Variants in UBR2 observed in about 807,000 individuals in gnomAD.
UBR2 encodes the protein ubiquitin protein ligase E3 component n-recognin 2.
In UBR2, 92 loss-of-function variants were observed where a neutral mutation model predicts 247.9. The observed-to-expected ratio is 0.37, with a 90% CI of 0.31 to 0.44. The LOEUF (loss-of-function observed/expected upper bound fraction) is 0.44, where lower values mean the gene tolerates loss of function less well. Among genes scored for constraint, UBR2 ranks in the 20% least tolerant of loss-of-function variants. The probability of loss-of-function intolerance (pLI) is 1.00; values close to 1 mark genes in which losing one functional copy is unlikely to be tolerated. For synonymous variants in UBR2, 672 were observed against 693.5 expected, an observed-to-expected ratio of 0.97 and a Z score of 0.49; for missense variants, 1,613 against 2,112.6, an observed-to-expected ratio of 0.76 and a Z score of 4.64.
At chr6:42,670,308 T>C (rs1798355672) in intron 35 of UBR2, 68 bp downstream of exon 35, 10 of 1,554,360 alleles carry the variant, frequency 6.4e-6, no homozygotes, top group Non-Finnish European at 8.7e-6. Flanking sequence ...GCATAGAATC[T>C]TGTTTTTAAA....
chr6:42,685,402 TAGG>T (rs35766065), intron 44 of UBR2, among the ~76,000 whole-genome samples: 40,844 of 151,622 alleles, frequency 0.27, 5,515 homozygotes, highest in Non-Finnish European at 0.29. Context: ...GGAATGGGAG[TAGG>T]AGAAGCAAAT....
intron 10 of UBR2, among the ~76,000 whole-genome samples, chr6:42,617,064 CCA>C (rs1794603762): frequency 6.6e-6 from 1 of 152,152 alleles, no homozygotes; most frequent in African/African-American, 2.4e-5. Flanking sequence ...ATACAGGATT[CCA>C]CAGTTTCCAT....
At chr6:42,592,436 A>T (rs574884588) in intron 3 of UBR2, among the ~76,000 whole-genome samples, 1 of 152,294 alleles carries the variant, frequency 6.6e-6, no homozygotes, top group African/African-American at 2.4e-5. Context: ...TTTAAAAAAG[A>T]TAATAGAGAT....
intron 22 of UBR2, 110 bp downstream of exon 22, chr6:42,648,280 A>G: frequency 2.4e-6 from 2 of 849,096 alleles, no homozygotes; most frequent in Non-Finnish European, 3.9e-6. Flanking sequence ...GCTTTCAGAG[A>G]TTGACAGACA....
chr6:42,614,439 C>CTTACATACATACGTATATATGTATGTAT (rs1262657277), intron 8 of UBR2, among the ~76,000 whole-genome samples: 1 of 91,996 alleles, frequency 1.1e-5, no homozygotes, highest in African/African-American at 4.3e-5. Flanking sequence ...TATGTATGTA[C>CTTACATACATACGTATATATGTATGTAT]GTACATATAT....
chr6:42,658,104 C>T lies in UBR2; in HGVS notation c.2953C>T (p.His985Tyr). The change falls in exon 27 of 47, where the codon CAC becomes TAC. Residue 985 changes from histidine to tyrosine, a missense_variant. By Grantham distance (83) the His-to-Tyr change is moderately conservative. Around this residue, in one of 3 missense-constraint regions of UBR2, gnomAD observed 1,524 missense variants for 1,967.3 expected, o/e 0.77. Coordinates refer to ENST00000372901, the MANE Select transcript of UBR2 (RefSeq NM_001363705.2). ...TLQNAPYLEVHKDMIRWILKT... is the reference protein window; with the variant it reads ...TLQNAPYLEVYKDMIRWILKT... ...ACAAAATGCTCCCTACCTAGAAGTC[C>T]ACAAAGACATGATTCGGTGGATATT... The T allele has an allele frequency of 1.2e-6, 2 of 1,614,020 alleles. No homozygotes were observed. Among genetic ancestry groups the T allele is most frequent in the Non-Finnish European group, 1.7e-6 (2 of 1,179,966 alleles).
intron 7 of UBR2, among the ~76,000 whole-genome samples, chr6:42,607,806 T>C (rs1211619171): frequency 2.0e-5 from 3 of 151,884 alleles, no homozygotes; most frequent in Admixed American, 6.6e-5. Flanking sequence ...ATTTACTTTT[T>C]TCATTCTTGT....
chr6:42,687,293 G>A (rs571979920), intron 44 of UBR2, among the ~76,000 whole-genome samples: 8 of 152,334 alleles, frequency 5.3e-5, no homozygotes, highest in Non-Finnish European at 1.2e-4. Context: ...GACCAGCCCG[G>A]CCAACACGGC....
At position 42,640,388 on chromosome 6, in the gene UBR2, G is replaced by A. The variant is rs756001355; in HGVS notation, c.1920+118G>A. The A allele has an allele frequency of 0.026, 979 of 37,028 alleles. 44 individuals are homozygous for A. Among genetic ancestry groups the A allele is most frequent in the South Asian group, 0.052 (238 of 4,612 alleles). 2.3% of individuals were successfully genotyped at this position (37,028 alleles called of 1,614,324 possible). A position where few individuals can be genotyped will look rare whatever the true frequency, so the allele number is the denominator to read the frequency against. On this transcript the variant is annotated intron_variant, in intron 16 of 46. Coordinates refer to ENST00000372901, the MANE Select transcript of UBR2 (RefSeq NM_001363705.2). ...CAGAGGAACAGAACCAGTAAGGTGT[G>A]TGTGTGTGTGTGTGTGTGTGTGTGT...
At chr6:42,643,930 G>A (rs1309055333) in intron 18 of UBR2, among the ~76,000 whole-genome samples, 2 of 152,170 alleles carry the variant, frequency 1.3e-5, no homozygotes, top group African/African-American at 2.4e-5. Context: ...GCATTAGAAG[G>A]AAAGAGAACT....
intron 43 of UBR2, among the ~76,000 whole-genome samples, chr6:42,683,851 C>CTAA (rs1192504817): frequency 6.6e-6 from 1 of 152,180 alleles, no homozygotes; most frequent in African/African-American, 2.4e-5. Flanking sequence ...ATTCCAAACT[C>CTAA]TAAAAGAATT....
At chr6:42,564,471 C>T in intron 1 of UBR2, 74 bp downstream of exon 1, 6 of 1,513,490 alleles carry the variant, frequency 4.0e-6, no homozygotes, top group Non-Finnish European at 3.6e-6. Context: ...GACTCCTGGA[C>T]GTCCTGGAGC....
chr6:42,680,671 T>C (rs1798986439), intron 42 of UBR2, among the ~76,000 whole-genome samples: 1 of 152,204 alleles, frequency 6.6e-6, no homozygotes, highest in Non-Finnish European at 1.5e-5. Context: ...CTAGAGAAAT[T>C]GGCCTGTCAA....
chr6:42,658,525 TTAAA>T lies in UBR2; in HGVS notation c.3064-117_3064-114del, dbSNP rs1318144924. 55 of 1,178,660 alleles carry T rather than the reference TTAAA, an allele frequency of 4.7e-5. 1 individual carries two copies. The Admixed American group carries it at 1.8e-3, about 38-fold the overall frequency. The allele number at this position is 1,178,660 out of a possible 1,614,324, so 73.0% of individuals were successfully genotyped here. A position where few individuals can be genotyped will look rare whatever the true frequency, so the allele number is the denominator to read the frequency against. ...TCAGTTTAAGAGTCTTTTCTCTTAT[TTAAA>T]TAAGTGAGATTATAGAATAGTTTTT... On this transcript the variant is annotated intron_variant, in intron 28 of 46. Transcript: ENST00000372901.
At chr6:42,688,790 G>A (rs1799592778) in intron 45 of UBR2, among the ~76,000 whole-genome samples, 1 of 152,154 alleles carries the variant, frequency 6.6e-6, no homozygotes, top group African/African-American at 2.4e-5. Context: ...TGACTACTAT[G>A]TACCAGGCAT....
In UBR2 at chr6:42,650,314, T is replaced by C. The variant is rs762290126; in HGVS notation, c.2493T>C (p.Tyr831=). ...CTGGATTAACAGGACGAGGCATGTA[T>C]GAACTGAAACCAGAATGTGCCAAAG... The part of the protein sequence containing the change: ...KKPGLTGRGM[Y]ELKPECAKEF... The change falls in exon 23 of 47, where the codon TAT becomes TAC. Residue 831 remains tyrosine, a synonymous_variant. Coordinates refer to ENST00000372901, the MANE Select transcript of UBR2 (RefSeq NM_001363705.2). 1.2e-6 allele frequency: 2 copies of C among 1,614,110 alleles called. No homozygotes were observed. The highest frequency in any genetic ancestry group is 1.7e-4 in the Middle Eastern group (1 of 6,060).
rs764544788 is a variant in UBR2, at chr6:42,615,084, G to C, written c.999G>C (p.Arg333=). Residue 333 remains arginine, a synonymous_variant, in exon 9 of 47, where the codon CGG becomes CGC. Transcript: ENST00000372901. Reference sequence around the variant, plus strand: ...TTCTATTTAAAGATGGCCTTCGCCGGATTTTATGTCAAGTTGGTTTACAAG... The same window carrying C: ...TTCTATTTAAAGATGGCCTTCGCCGCATTTTATGTCAAGTTGGTTTACAAG... The part of the protein sequence containing the change: ...SIIGYSDGLR[R]ILCQVGLQEG... 4 of 1,612,796 alleles carry C rather than the reference G, an allele frequency of 2.5e-6. No homozygotes were observed. The African/African-American group carries it at 5.3e-5, about 22-fold the overall frequency.
In UBR2 at chr6:42,635,402, T is replaced by G. The variant is rs778415129; in HGVS notation, c.1546-16T>G. On this transcript the variant is annotated splice_polypyrimidine_tract_variant and intron_variant, in intron 13 of 46. Coordinates refer to ENST00000372901, the MANE Select transcript of UBR2 (RefSeq NM_001363705.2). ...TATTATTTTCATTCATATATAATTT[T>G]TTCACTTCCGTTAAGGGAATGGATC... is the stretch of plus-strand genomic sequence containing the variant. The G allele has an allele frequency of 3.7e-6, 6 of 1,611,356 alleles. No homozygotes were observed. In the Admixed American group the frequency reaches 6.7e-5, roughly 18 times the overall value.
chr6:42,595,145 A>G (rs986965363), intron 4 of UBR2, among the ~76,000 whole-genome samples: 1 of 152,178 alleles, frequency 6.6e-6, no homozygotes, highest in Non-Finnish European at 1.5e-5. Context: ...AGCATTTAAC[A>G]TTATTTGGTT....
Sources: allele counts gnomAD v4.1 joint callset (sites outside exome capture counted in the v4.1 genomes callset), GRCh38; gene constraint gnomAD v4.1.1; regional missense constraint gnomAD v4.1.1; transcripts MANE v1.5; gene names NCBI Gene and HGNC (gene_info 2026-07-23, HGNC 2026-07-21).